CADM2: variants seen among roughly 807,000 people sequenced by gnomAD.
The protein encoded by CADM2 is cell adhesion molecule 2.
Under a neutral mutation model 49.8 loss-of-function variants are expected in CADM2, and 12 were observed. The observed-to-expected ratio is 0.24, with a 90% CI of 0.15 to 0.39. The LOEUF is 0.39. Ranked by LOEUF, CADM2 falls within the 10% of genes least tolerant of loss-of-function variation. CADM2 has a pLI of 1.00. For synonymous variants in CADM2, 214 were observed against 175.4 expected (o/e 1.22, Z -1.74); for missense variants, 378 against 492.3 (o/e 0.77, Z 2.20).
At position 84,983,942 on chromosome 3, in the gene CADM2, T is replaced by C. The variant is rs2107147390; in HGVS notation, c.61+24274T>C. ...GTGTGATATACATAGGTGGACATTA[T>C]CAACTTCAAGAAATTGTTTTATAAT... On this transcript the variant is annotated intron_variant, in intron 1 of 9. Transcript: ENST00000383699. 1.3e-5 allele frequency among the ~76,000 whole-genome samples: 2 copies of C among 152,086 alleles called. 1 individual carries two copies. Among genetic ancestry groups the C allele is most frequent in the South Asian group, 4.2e-4 (2 of 4,818 alleles).
At chr3:85,064,115 C>T (rs933314880) in intron 1 of CADM2, among the ~76,000 whole-genome samples, 45 of 152,180 alleles carry the variant, frequency 3.0e-4, no homozygotes, top group African/African-American at 9.6e-4. Flanking sequence ...CCAAGGAATT[C>T]TCAGAGTTTC....
intron 1 of CADM2, among the ~76,000 whole-genome samples, chr3:85,029,179 T>C (rs971079063): frequency 2.6e-5 from 4 of 151,962 alleles, no homozygotes; most frequent in African/African-American, 9.7e-5. Context: ...AAATAATAAA[T>C]TGTGCTTGCT....
At chr3:85,120,695 G>A (rs1436939417) in intron 1 of CADM2, among the ~76,000 whole-genome samples, 1 of 152,050 alleles carries the variant, frequency 6.6e-6, no homozygotes, top group African/African-American at 2.4e-5. Flanking sequence ...GGGGCCAGGG[G>A]AGGGATAGCC....
chr3:85,620,243 T>C (rs1341287491), intron 1 of CADM2, among the ~76,000 whole-genome samples: 1 of 152,090 alleles, frequency 6.6e-6, no homozygotes, highest in African/African-American at 2.4e-5. Context: ...GAACCTAAAA[T>C]AGTCAATTTA....
chr3:85,979,068 C>G, intron 8 of CADM2: 1 of 1,356,054 alleles, frequency 7.4e-7, no homozygotes, highest in Non-Finnish European at 1.0e-6. Flanking sequence ...TAAAGTTAAA[C>G]CTCAATAAGT....
intron 2 of CADM2, among the ~76,000 whole-genome samples, chr3:85,752,733 G>GA (rs1279824472): frequency 4.6e-5 from 7 of 151,674 alleles, no homozygotes; most frequent in African/African-American, 1.7e-4. Context: ...CTCGTGGAAA[G>GA]AAAAAAATCA....
chr3:85,377,125 G>A (rs1202547325), intron 1 of CADM2, among the ~76,000 whole-genome samples: 1 of 152,066 alleles, frequency 6.6e-6, no homozygotes, highest in Non-Finnish European at 1.5e-5. Context: ...GTTGGTTAAT[G>A]AAGAATGCAT....
chr3:85,213,753 T>A (rs2041858883), intron 1 of CADM2, among the ~76,000 whole-genome samples: 1 of 152,070 alleles, frequency 6.6e-6, no homozygotes, highest in Non-Finnish European at 1.5e-5. Context: ...CATGTTTCAT[T>A]ATTTTTTATA....
intron 1 of CADM2, among the ~76,000 whole-genome samples, chr3:84,992,344 A>T (rs1235652044): frequency 2.0e-5 from 3 of 152,194 alleles, no homozygotes; most frequent in African/African-American, 7.2e-5. Flanking sequence ...GCTATTTAAC[A>T]TTCAGAAAGG....
chr3:85,184,536 A>T (rs536452425), intron 1 of CADM2, among the ~76,000 whole-genome samples: 1 of 152,270 alleles, frequency 6.6e-6, no homozygotes, highest in South Asian at 2.1e-4. Flanking sequence ...TAGGCATTAT[A>T]TGTGATGCTA....
intron 2 of CADM2, among the ~76,000 whole-genome samples, chr3:85,746,473 C>T (rs1266515955): frequency 6.6e-6 from 1 of 152,142 alleles, no homozygotes; most frequent in African/African-American, 2.4e-5. Flanking sequence ...TACCATATAA[C>T]TGCATTTTTC....
intron 1 of CADM2, among the ~76,000 whole-genome samples, chr3:85,324,968 G>A (rs1178604381): frequency 1.3e-5 from 2 of 152,182 alleles, no homozygotes; most frequent in African/African-American, 4.8e-5. Context: ...CTCTGCAGCT[G>A]GTTCTGCACA....
chr3:85,919,019 A>G (rs1463195121), intron 6 of CADM2, among the ~76,000 whole-genome samples: 1 of 152,030 alleles, frequency 6.6e-6, no homozygotes, highest in Non-Finnish European at 1.5e-5. Context: ...AAATAAACTT[A>G]ATGAAAATGA....
chr3:85,312,394 G>A (rs6775792), intron 1 of CADM2, among the ~76,000 whole-genome samples: 6 of 151,908 alleles, frequency 3.9e-5, no homozygotes, highest in African/African-American at 9.7e-5. Context: ...TGGTCCTACC[G>A]GTAAGAGACG....
chr3:85,007,246 A>C (rs2033777660), intron 1 of CADM2, among the ~76,000 whole-genome samples: 1 of 152,178 alleles, frequency 6.6e-6, no homozygotes, highest in Admixed American at 6.5e-5. Context: ...TTAATATGGC[A>C]GTCTATCTTA....
intron 1 of CADM2, among the ~76,000 whole-genome samples, chr3:85,469,971 G>T (rs1016265822): frequency 3.9e-5 from 6 of 152,144 alleles, no homozygotes; most frequent in Non-Finnish European, 7.4e-5. Context: ...GTTTTTGGAA[G>T]GGGAGGTGAT....
At chr3:85,972,575 T>G (rs1210807588) in intron 8 of CADM2, among the ~76,000 whole-genome samples, 1 of 151,810 alleles carries the variant, frequency 6.6e-6, no homozygotes, top group Non-Finnish European at 1.5e-5. Flanking sequence ...CAGCTTGGGC[T>G]TCTGGGACTC....
At chr3:85,948,527 A>G (rs1284148589) in intron 7 of CADM2, among the ~76,000 whole-genome samples, 1 of 151,380 alleles carries the variant, frequency 6.6e-6, no homozygotes, top group Non-Finnish European at 1.5e-5. Context: ...ATGTGCTATT[A>G]TTTTAATTAA....
intron 1 of CADM2, among the ~76,000 whole-genome samples, chr3:85,250,491 C>T (rs1481919412): frequency 1.3e-5 from 2 of 151,118 alleles, no homozygotes; most frequent in South Asian, 2.1e-4. Flanking sequence ...ATATAAAAAC[C>T]TGTGAATGAT....
Sources: allele counts gnomAD v4.1 joint callset (sites outside exome capture counted in the v4.1 genomes callset), GRCh38; gene constraint gnomAD v4.1.1; transcripts MANE v1.5; gene names NCBI Gene and HGNC (gene_info 2026-07-23, HGNC 2026-07-21).